Variants in NKD1 observed in about 807,000 individuals in gnomAD.
NKD1 encodes the protein protein naked cuticle homolog 1.
NKD1 carries 21 observed loss-of-function variants against 56.0 expected under a neutral mutation model. The ratio of observed to expected loss-of-function variants is 0.38; its 90% confidence interval spans 0.27 to 0.54. The LOEUF (loss-of-function observed/expected upper bound fraction) is 0.54. Among genes scored for constraint, NKD1 ranks in the 20% least tolerant of loss-of-function variants. NKD1 has a pLI of 0.82. For missense variants in NKD1, 578 were observed against 642.7 expected, an observed-to-expected ratio of 0.90 and a Z score of 1.09; for synonymous variants, 263 against 265.7, an observed-to-expected ratio of 0.99 and a Z score of 0.10.
rs1250688328 is a variant in NKD1, at chr16:50,623,788, G to A, written c.367-1697G>A. Among the ~76,000 whole-genome samples the A allele has an allele frequency of 6.6e-6, 1 of 150,926 alleles. No homozygotes were observed. The highest frequency in any genetic ancestry group is 1.5e-5 in the Non-Finnish European group (1 of 67,728). ...GTACACAGGTATGTGAGCGTAGGAT[G>A]TGCACGTATAGGGGTATACCTGTGT... On this transcript the variant is annotated intron_variant, in intron 5 of 9. Transcript: ENST00000268459. This position sits in a 1 kb window ranked among gnomAD's most constrained non-coding sequence, Gnocchi z 4.1.
At chr16:50,603,112 G>GC (rs1961633623) in intron 3 of NKD1, among the ~76,000 whole-genome samples, 10 of 152,240 alleles carry the variant, frequency 6.6e-5, no homozygotes, top group Admixed American at 5.9e-4. Flanking sequence ...TAGGCATGTT[G>GC]TCTATGTTTT....
At chr16:50,562,871 C>T (rs1266944826) in intron 3 of NKD1, among the ~76,000 whole-genome samples, 1 of 151,942 alleles carries the variant, frequency 6.6e-6, no homozygotes, top group Non-Finnish European at 1.5e-5. Flanking sequence ...ATGGTTCTCT[C>T]TCCTCTTCCC....
intron 4 of NKD1, among the ~76,000 whole-genome samples, chr16:50,620,466 C>T (rs756832178): frequency 2.6e-5 from 4 of 152,214 alleles, no homozygotes; most frequent in Non-Finnish European, 4.4e-5. Flanking sequence ...GTCTCAGCAC[C>T]TCACATGACC....
chr16:50,638,428 C>A lies in NKD1; in HGVS notation c.*4647C>A. The A allele has an allele frequency of 6.5e-6, 1 of 152,918 alleles. No individual in the cohort carries two copies. Among genetic ancestry groups the A allele is most frequent in the Non-Finnish European group, 1.5e-5 (1 of 68,410 alleles). The allele number at this position is 152,918 out of a possible 1,614,324, so 9.5% of individuals were successfully genotyped here. On this transcript the variant is annotated 3_prime_UTR_variant, in exon 10 of 10. Coordinates refer to ENST00000268459, the MANE Select transcript of NKD1 (RefSeq NM_033119.5). ...CTCCTGGCCCCTGCCTCGGCCTCCC[C>A]AGACCAGCTGCACCCAGCCCCCAAC...
At chr16:50,562,986 A>ACCACCACCCCCCCCCC (rs1376803515) in intron 3 of NKD1, among the ~76,000 whole-genome samples, 1 of 60,410 alleles carries the variant, frequency 1.7e-5, no homozygotes, top group African/African-American at 9.4e-5. Flanking sequence ...TCCCACCACC[A>ACCACCACCCCCCCCCC]CCCCCCCCCC....
In NKD1 at chr16:50,598,326, G is replaced by C. The variant is rs370048903; in HGVS notation, c.193-9968G>C. 4.6e-5 allele frequency among the ~76,000 whole-genome samples: 7 copies of C among 152,100 alleles called. No individual in the cohort carries two copies. Among genetic ancestry groups the C allele is most frequent in the Non-Finnish European group, 8.8e-5 (6 of 67,978 alleles). ...CGTAAAATGAGGCCTCAGGGTATAG[G>C]AATCAAGAGGCTCTTACTTCATCTG... On this transcript the variant is annotated intron_variant, in intron 3 of 9. Coordinates refer to ENST00000268459, the MANE Select transcript of NKD1 (RefSeq NM_033119.5). This position sits in a 1 kb window ranked among gnomAD's most constrained non-coding sequence, Gnocchi z 4.2.
At chr16:50,582,729 C>T (rs1193851628) in intron 3 of NKD1, among the ~76,000 whole-genome samples, 4 of 152,248 alleles carry the variant, frequency 2.6e-5, no homozygotes, top group Non-Finnish European at 4.4e-5. Context: ...ATTATTGTGG[C>T]CAGGCGCAGT....
chr16:50,553,357 G>A (rs1461706237), intron 3 of NKD1: 2 of 152,246 alleles, frequency 1.3e-5, no homozygotes, highest in Non-Finnish European at 2.9e-5. Context: ...TTACAGCAGA[G>A]CTGCCTGAAG....
chr16:50,589,700 TTCTC>T (rs1961308188), intron 3 of NKD1, among the ~76,000 whole-genome samples: 5 of 20,224 alleles, frequency 2.5e-4, no homozygotes, highest in East Asian at 9.8e-4. Flanking sequence ...TTCTTTTCTC[TTCTC>T]TTCTCTTCTC....
intron 4 of NKD1, among the ~76,000 whole-genome samples, chr16:50,614,938 T>C (rs767188582): frequency 1.3e-5 from 2 of 152,156 alleles, no homozygotes; most frequent in Non-Finnish European, 2.9e-5. Context: ...ATTAGCTTCT[T>C]CATAAACTCT....
intron 3 of NKD1, among the ~76,000 whole-genome samples, chr16:50,568,994 CCTT>C (rs968966773): frequency 7.2e-5 from 11 of 152,152 alleles, no homozygotes; most frequent in Admixed American, 7.2e-4. Flanking sequence ...TGATTTGTCT[CCTT>C]CTCTTCCCCA....
At chr16:50,589,731 TCTCTTCTCTTCTCTTCTC>T (rs1961312591) in intron 3 of NKD1, among the ~76,000 whole-genome samples, 1 of 95,428 alleles carries the variant, frequency 1.0e-5, no homozygotes, top group Non-Finnish European at 2.0e-5. Context: ...TCTCTTCTCT[TCTCTTCTCTTCTCTTCTC>T]TTCTCTTCTC....
intron 8 of NKD1, 85 bp downstream of exon 8, chr16:50,630,995 C>A: frequency 9.0e-7 from 1 of 1,111,956 alleles, no homozygotes; most frequent in Non-Finnish European, 1.3e-6. Context: ...AAGTTTTGCT[C>A]TGGTCTGTGT....
At chr16:50,567,340 A>T (rs1474171648) in intron 3 of NKD1, among the ~76,000 whole-genome samples, 1 of 152,140 alleles carries the variant, frequency 6.6e-6, no homozygotes, top group Non-Finnish European at 1.5e-5. Flanking sequence ...ACCGGTCTCC[A>T]TTTCTTTGGG....
At chr16:50,625,343 A>C in intron 5 of NKD1, 142 bp from the exon 6 acceptor site, 1 of 659,084 alleles carries the variant, frequency 1.5e-6, no homozygotes, top group Non-Finnish European at 2.7e-6. Flanking sequence ...TCTTGGCCAA[A>C]GTGCTCCCTG....
At chr16:50,592,229 T>C (rs1961382297) in intron 3 of NKD1, among the ~76,000 whole-genome samples, 1 of 152,204 alleles carries the variant, frequency 6.6e-6, no homozygotes, top group African/African-American at 2.4e-5. Context: ...GCGTTGCTGC[T>C]GCCGCCGCCT....
At chr16:50,575,943 G>A (rs1190187002) in intron 3 of NKD1, among the ~76,000 whole-genome samples, 1 of 152,194 alleles carries the variant, frequency 6.6e-6, no homozygotes, top group East Asian at 1.9e-4. Flanking sequence ...CAACCATCCT[G>A]CAGTGCACAG....
At chr16:50,549,155 A>T (rs906875214) in intron 2 of NKD1, among the ~76,000 whole-genome samples, 2 of 145,668 alleles carry the variant, frequency 1.4e-5, no homozygotes, top group African/African-American at 5.2e-5. Context: ...CCTGGCTGCC[A>T]GTGCTCCCTG....
intron 3 of NKD1, among the ~76,000 whole-genome samples, chr16:50,588,377 A>G (rs180758614): frequency 6.6e-6 from 1 of 152,224 alleles, no homozygotes; most frequent in Admixed American, 6.5e-5. Context: ...AAATAAGCCC[A>G]TGCCAAAGCT....
Sources: allele counts gnomAD v4.1 joint callset (sites outside exome capture counted in the v4.1 genomes callset), GRCh38; gene constraint gnomAD v4.1.1; non-coding constraint Gnocchi (gnomAD v3.1); transcripts MANE v1.5; gene names NCBI Gene and HGNC (gene_info 2026-07-23, HGNC 2026-07-21).